The following PRR33 variants were observed in gnomAD, a reference collection of about 807,000 sequenced individuals.
The protein encoded by PRR33 is proline-rich protein 33.
PRR33 carries 1 observed loss-of-function variant against 0.5 expected under a neutral mutation model. The ratio of observed to expected loss-of-function variants is 2.18; its 90% confidence interval spans 0.77 to 10.34. The LOEUF (loss-of-function observed/expected upper bound fraction) is 10.34. Among genes scored for constraint, PRR33 ranks in the 30% most tolerant of loss-of-function variants. The pLI is 0.13. For missense variants in PRR33, 552 were observed against 251.8 expected (o/e 2.19, Z -8.07); for synonymous variants, 226 against 110.0 (o/e 2.06, Z -6.60).
exon 1 of PRR33, chr11:1,891,464 C>G (rs1200018127): frequency 6.6e-6 from 1 of 152,254 alleles, no homozygotes; most frequent in Non-Finnish European, 1.5e-5. Flanking sequence ...GACGGGACTG[C>G]AGGAACCACG....
At chr11:1,903,928 C>T in the PRR33 span, among the ~76,000 whole-genome samples, 1 of 152,206 alleles carries the variant, frequency 6.6e-6, no homozygotes, top group Non-Finnish European at 1.5e-5. Flanking sequence ...CCAGTCAAGA[C>T]ACACAAGGCC....
chr11:1,890,701 G>C, exon 1 of PRR33: 2 of 613,360 alleles, frequency 3.3e-6, no homozygotes, highest in Non-Finnish European at 2.9e-6. Flanking sequence ...GTGGAGGCCT[G>C]AGTATTCTGC....
chr11:1,889,720 G>A (rs569926247), exon 1 of PRR33: 67 of 652,288 alleles, frequency 1.0e-4, no homozygotes, highest in African/African-American at 8.6e-4. Flanking sequence ...TCTCTGCCAG[G>A]GCCCATGGGG....
At chr11:1,902,151 G>GGA in the PRR33 span, among the ~76,000 whole-genome samples, 1 of 151,302 alleles carries the variant, frequency 6.6e-6, no homozygotes, top group East Asian at 1.9e-4. Context: ...AGAATGGTCT[G>GGA]AACCCGGGAG....
upstream of PRR33, among the ~76,000 whole-genome samples, chr11:1,894,983 G>A (rs1295815690): frequency 2.0e-5 from 3 of 152,176 alleles, no homozygotes; most frequent in African/African-American, 4.8e-5. Context: ...TTTGGCTTGC[G>A]TGTCTCCCGG....
At chr11:1,907,393 T>A in the PRR33 span, among the ~76,000 whole-genome samples, 2 of 152,314 alleles carry the variant, frequency 1.3e-5, no homozygotes, top group East Asian at 3.9e-4. Context: ...AGCAGATAAG[T>A]GTGCAGCACA....
the PRR33 span, among the ~76,000 whole-genome samples, chr11:1,910,405 A>G: frequency 6.6e-6 from 1 of 152,056 alleles, no homozygotes; most frequent in Non-Finnish European, 1.5e-5. Context: ...ACCCGCCACC[A>G]CGTCCAGCTA....
exon 1 of PRR33, chr11:1,890,698 C>A: frequency 1.6e-6 from 1 of 614,148 alleles, no homozygotes; most frequent in South Asian, 1.9e-5. Flanking sequence ...GGTGTGGAGG[C>A]CTGAGTATTC....
In PRR33 at chr11:1,889,361, C is replaced by G. The variant is rs772544100; in HGVS notation, c.1224G>C (p.Met408Ile). ...GGCGCCCTTGGGCCTCCGCCACTGA[C>G]ATGCGGTACAGCACGGCATCCCACA... Residue 408 changes from methionine to isoleucine, a missense_variant, in exon 1 of 1, where the codon ATG becomes ATC. By Grantham distance (10) the Met-to-Ile change is conservative. Coordinates refer to ENST00000640310, the Ensembl canonical transcript of PRR33. 4.2e-6 allele frequency: 3 copies of G among 712,604 alleles called. No homozygotes were observed. The South Asian group carries it at 4.5e-5, about 11-fold the overall frequency. The allele number at this position is 712,604 out of a possible 1,614,324, so 44.1% of individuals were successfully genotyped here.
exon 1 of PRR33, chr11:1,890,926 C>G (rs1052935671): frequency 3.8e-6 from 1 of 262,190 alleles, no homozygotes. Flanking sequence ...GGCCGCAACA[C>G]CGTGTGGGCT....
the PRR33 span, among the ~76,000 whole-genome samples, chr11:1,909,086 C>T: frequency 2.6e-5 from 4 of 152,224 alleles, no homozygotes; most frequent in South Asian, 8.3e-4. Context: ...CCCCACTTAG[C>T]TTAAGAAAGA....
the PRR33 span, among the ~76,000 whole-genome samples, chr11:1,912,365 T>G: frequency 6.6e-6 from 1 of 152,160 alleles, no homozygotes; most frequent in Admixed American, 6.6e-5. Context: ...ATGCAAGGTT[T>G]GAACTTCACT....
chr11:1,914,113 C>T, the PRR33 span, among the ~76,000 whole-genome samples: 4 of 152,278 alleles, frequency 2.6e-5, no homozygotes, highest in African/African-American at 9.6e-5. Context: ...CCAATGAACA[C>T]GCCTGGTTGG....
At chr11:1,915,844 AGATG>A in the PRR33 span, among the ~76,000 whole-genome samples, 2 of 146,788 alleles carry the variant, frequency 1.4e-5, no homozygotes, top group African/African-American at 2.6e-5. Context: ...ATAGATGAAG[AGATG>A]GATGGATGGA....
At chr11:1,901,819 G>A in the PRR33 span, among the ~76,000 whole-genome samples, 4 of 152,326 alleles carry the variant, frequency 2.6e-5, no homozygotes, top group South Asian at 2.1e-4. Flanking sequence ...CCTCCCAGAC[G>A]TTGCAAATGG....
At chr11:1,904,008 G>A in the PRR33 span, among the ~76,000 whole-genome samples, 4 of 152,132 alleles carry the variant, frequency 2.6e-5, no homozygotes, top group South Asian at 6.2e-4. Context: ...TTTCTGTCAC[G>A]ACTTCTGAAC....
chr11:1,915,562 T>G, the PRR33 span, among the ~76,000 whole-genome samples: 3 of 63,184 alleles, frequency 4.7e-5, no homozygotes, highest in African/African-American at 6.4e-5. Flanking sequence ...GGGGTGATGT[T>G]TCTGTGTGTG....
At chr11:1,908,316 G>A in the PRR33 span, among the ~76,000 whole-genome samples, 69 of 58,958 alleles carry the variant, frequency 1.2e-3, no homozygotes, top group African/African-American at 4.4e-3. Flanking sequence ...CCCCACCCCC[G>A]CCCACCCCCA....
At chr11:1,896,710 C>T (rs1398573395), upstream of PRR33, among the ~76,000 whole-genome samples, 1 of 152,198 alleles carries the variant, frequency 6.6e-6, no homozygotes, top group Non-Finnish European at 1.5e-5. Context: ...ACATCCCAGC[C>T]TCCTTTCTGT....
Sources: allele counts gnomAD v4.1 joint callset (sites outside exome capture counted in the v4.1 genomes callset), GRCh38; gene constraint gnomAD v4.1.1; transcripts MANE v1.5; gene names NCBI Gene and HGNC (gene_info 2026-07-23, HGNC 2026-07-21).